The following SRRM5 variants were observed in gnomAD, a reference collection of about 807,000 sequenced individuals.
SRRM5 encodes serine/arginine repetitive matrix 5.
In SRRM5, 1 loss-of-function variant was observed where a neutral mutation model predicts 1.3. The observed-to-expected ratio is 0.76, with a 90% CI of 0.27 to 3.59. SRRM5 has a LOEUF of 3.59. Ranked by LOEUF, SRRM5 falls within the 30% of genes most tolerant of loss-of-function variation. SRRM5 has a pLI of 0.19. For synonymous variants in SRRM5, 275 were observed against 320.2 expected, an observed-to-expected ratio of 0.86 and a Z score of 1.51; for missense variants, 875 against 914.5, an observed-to-expected ratio of 0.96 and a Z score of 0.56.
chr19:43,612,685 T>C lies in SRRM5; in HGVS notation c.564T>C (p.Pro188=), dbSNP rs778081627. 17 of 1,551,450 alleles carry C rather than the reference T, an allele frequency of 1.1e-5. No individual in the cohort carries two copies. The Admixed American group carries it at 2.4e-4, about 21-fold the overall frequency. The change falls in exon 1 of 1, where the codon CCT becomes CCC. Residue 188 remains proline (P), a synonymous_variant. Coordinates refer to ENST00000417606, the MANE Select transcript of SRRM5 (RefSeq NM_001145641.2). The surrounding 1 kb of genome is among the most constrained non-coding windows in gnomAD (Gnocchi z 4.2). The part of the protein sequence containing the change: ...TSNRERSDSQ[P]RNLSKKSYRP... The stretch of plus-strand genomic sequence containing the variant: ...ACAGGGAAAGGAGTGACAGCCAGCC[T>C]AGAAATCTGAGCAAGAAGAGTTACC...
rs1399969565 is a variant in SRRM5, at chr19:43,612,808, G to A, written c.687G>A (p.Glu229=). The A allele has an allele frequency of 2.6e-6, 4 of 1,551,466 alleles. No individual in the cohort carries two copies. Among genetic ancestry groups the A allele is most frequent in the African/African-American group, 1.4e-5 (1 of 73,056 alleles). Residue 229 remains glutamate (E), a synonymous_variant, in exon 1 of 1, where the codon GAG becomes GAA. Transcript: ENST00000417606. This position sits in a 1 kb window ranked among gnomAD's most constrained non-coding sequence, Gnocchi z 4.2. ...CQTPTGIPSK[E]KSDNPSPSSS... ...CCCCGACTGGAATTCCCTCCAAGGA[G>A]AAGAGTGACAACCCATCTCCATCCT...
rs1476555171 is a variant in SRRM5 at position 43,613,523 on chromosome 19, A to T, written c.1402A>T (p.Asn468Tyr). The T allele has an allele frequency of 6.4e-7, 1 of 1,550,684 alleles. No homozygotes were observed. The highest frequency in any genetic ancestry group is 1.4e-5 in the African/African-American group (1 of 72,708). The change falls in exon 1 of 1, where the codon AAC (asparagine) becomes TAC (tyrosine). Residue 468 changes from asparagine to tyrosine, a missense_variant. Transcript: ENST00000417606. The stretch of plus-strand genomic sequence containing the variant: ...AGATCATAGCCGATCTAGAAGTCCC[A>T]ACAAGGCGAGAGATCGCAGCCGATC... ...ARDHSRSRSP[N>Y]KARDRSRSRS...
In SRRM5 at chr19:43,614,345, TGA is replaced by T; in HGVS notation, c.*78_*79del. The T allele has an allele frequency of 6.4e-7, 1 of 1,557,232 alleles. No homozygotes were observed. The highest frequency in any genetic ancestry group is 8.7e-7 in the Non-Finnish European group (1 of 1,153,904). ...CAGGAGACAGGAGCAGAGCAGCAGC[TGA>T]GCAGCGTCCCTCCCCGGCCAGCTCT... On this transcript the variant is annotated 3_prime_UTR_variant, in exon 1 of 1. Coordinates refer to ENST00000417606, the MANE Select transcript of SRRM5 (RefSeq NM_001145641.2).
In SRRM5 at chr19:43,613,039, T is replaced by G; in HGVS notation, c.918T>G (p.Ser306Arg). ...CGCACAGCAGAGTGAGAAGTCACAGTTGGAAGAGAAACCATAGCAGGGCAA... is the reference window on the plus strand; with the variant it reads ...CGCACAGCAGAGTGAGAAGTCACAGGTGGAAGAGAAACCATAGCAGGGCAA... ...KRTHSRVRSH[S>R]WKRNHSRARS... The change falls in exon 1 of 1, where the codon AGT becomes AGG. Residue 306 changes from serine (S) to arginine (R), a missense_variant. By Grantham distance (110) the Ser-to-Arg change is moderately radical. Coordinates refer to ENST00000417606, the MANE Select transcript of SRRM5 (RefSeq NM_001145641.2). 6.4e-7 allele frequency: 1 copy of G among 1,551,394 alleles called. No individual in the cohort carries two copies. Among genetic ancestry groups the G allele is most frequent in the Non-Finnish European group, 8.7e-7 (1 of 1,146,928 alleles).
chr19:43,613,792 C>G lies in SRRM5; in HGVS notation c.1671C>G (p.His557Gln). The G allele has an allele frequency of 1.9e-6, 3 of 1,549,868 alleles. No homozygotes were observed. Among genetic ancestry groups the G allele is most frequent in the Non-Finnish European group, 2.6e-6 (3 of 1,145,722 alleles). Residue 557 changes from histidine (H) to glutamine (Q), a missense_variant, in exon 1 of 1, where the codon CAC becomes CAG. Transcript: ENST00000417606. Reference sequence around the variant, plus strand: ...GAAGCCCCAGCGAGGAGAGAGAGCACAGACAATCCAGAAGCCCCAGCAAAG... The same window carrying G: ...GAAGCCCCAGCGAGGAGAGAGAGCAGAGACAATCCAGAAGCCCCAGCAAAG... ...QSRSPSEERE[H>Q]RQSRSPSKER... is the part of the protein sequence containing the mutation.
chr19:43,614,032 G>C lies in SRRM5; in HGVS notation c.1911G>C (p.Lys637Asn). 1 of 1,551,900 alleles carries C rather than the reference G, an allele frequency of 6.4e-7. No homozygotes were observed. The highest frequency in any genetic ancestry group is 8.7e-7 in the Non-Finnish European group (1 of 1,147,058). The change falls in exon 1 of 1, where the codon AAG becomes AAC. Residue 637 changes from lysine (K) to asparagine (N), a missense_variant. Lys to Asn is a moderately conservative substitution (Grantham distance 94). Coordinates refer to ENST00000417606, the MANE Select transcript of SRRM5 (RefSeq NM_001145641.2). ...GNHSQSRTSSKESDPSQSTVP... is the reference protein window; with the variant it reads ...GNHSQSRTSSNESDPSQSTVP... ...ATAGCCAATCTAGAACCTCTAGCAA[G>C]GAGAGCGACCCCAGTCAATCTACAG...
Position 43,614,136 on chromosome 19 carries a change from GCAGCCACTCCCCATCAACATTTCC to G in SRRM5, c.2019_2042del (p.His674_Ser681del), listed in dbSNP as rs776637557. On this transcript the variant is annotated inframe_deletion, in exon 1 of 1. Transcript: ENST00000417606. Reference sequence around the variant, plus strand: ...CAGAATAGAACCCCTAGCAAGACAAGCAGCCACTCCCCATCAACATTTCCCAGTGGGGGCCAAACCCTAAGCCAG... The same window carrying G: ...CAGAATAGAACCCCTAGCAAGACAAGCAGTGGGGGCCAAACCCTAAGCCAG... 4 of 1,611,476 alleles carry G rather than the reference GCAGCCACTCCCCATCAACATTTCC, an allele frequency of 2.5e-6. No homozygotes were observed. Among genetic ancestry groups the G allele is most frequent in the Non-Finnish European group, 3.4e-6 (4 of 1,178,702 alleles).
At position 43,613,108 on chromosome 19, in the gene SRRM5, C is replaced by T. The variant is rs1190213524; in HGVS notation, c.987C>T (p.His329=). Residue 329 remains histidine (H), a synonymous_variant, in exon 1 of 1, where the codon CAC becomes CAT. Coordinates refer to ENST00000417606, the MANE Select transcript of SRRM5 (RefSeq NM_001145641.2). ...RKGILSQMGR[H]SQSRSHSKGK... ...GAATTCTGAGCCAGATGGGAAGACACAGCCAGTCTAGAAGCCACAGCAAGG... is the reference window on the plus strand; with the variant it reads ...GAATTCTGAGCCAGATGGGAAGACATAGCCAGTCTAGAAGCCACAGCAAGG... The T allele has an allele frequency of 1.3e-6, 2 of 1,551,630 alleles. No individual in the cohort carries two copies. The highest frequency in any genetic ancestry group is 2.7e-5 in the African/African-American group (2 of 73,142).
Position 43,613,497 on chromosome 19 carries a change from G to A in SRRM5, c.1376G>A (p.Arg459Lys), listed in dbSNP as rs1472487775. ...RSRSRSPNKA[R>K]DHSRSRSPNK... Reference sequence around the variant, plus strand: ...CGATCTAGAAGTCCCAACAAGGCAAGAGATCATAGCCGATCTAGAAGTCCC... The same window carrying A: ...CGATCTAGAAGTCCCAACAAGGCAAAAGATCATAGCCGATCTAGAAGTCCC... The change falls in exon 1 of 1, where the codon AGA becomes AAA. Residue 459 changes from arginine (R) to lysine (K), a missense_variant. Physicochemically the swap from Arg to Lys is conservative, Grantham distance 26. Transcript: ENST00000417606. The A allele has an allele frequency of 1.3e-6, 2 of 1,546,134 alleles. No homozygotes were observed.
rs1247762355 is a variant in SRRM5, at chr19:43,614,312, G to A, written c.*43G>A. ...CTCACGGGTCTCTGTCATGACCGGG[G>A]GAGGGGACAGGAGACAGGAGCAGAG... On this transcript the variant is annotated 3_prime_UTR_variant, in exon 1 of 1. Coordinates refer to ENST00000417606, the MANE Select transcript of SRRM5 (RefSeq NM_001145641.2). 1.3e-6 allele frequency: 2 copies of A among 1,594,288 alleles called. No individual in the cohort carries two copies. Among genetic ancestry groups the A allele is most frequent in the Non-Finnish European group, 1.7e-6 (2 of 1,170,358 alleles).
chr19:43,612,481 G>T lies in SRRM5; in HGVS notation c.360G>T (p.Arg120=), dbSNP rs1973309871. Residue 120 remains arginine (R), a synonymous_variant, in exon 1 of 1, where the codon CGG becomes CGT. Coordinates refer to ENST00000417606, the MANE Select transcript of SRRM5 (RefSeq NM_001145641.2). The surrounding 1 kb of genome is among the most constrained non-coding windows in gnomAD (Gnocchi z 4.2). ...RCHQRRGTHS[R]GRTPGRRGSR... ...ACCAGCGGAGGGGCACACACAGCCG[G>T]GGTAGGACACCTGGCAGAAGGGGAA... 1 of 1,551,106 alleles carries T rather than the reference G, an allele frequency of 6.4e-7. No homozygotes were observed. Among genetic ancestry groups the T allele is most frequent in the Non-Finnish European group, 8.7e-7 (1 of 1,146,858 alleles).
rs768632998 is a variant in SRRM5, at chr19:43,612,108, C to G, written c.-14C>G. 3 of 1,546,836 alleles carry G rather than the reference C, an allele frequency of 1.9e-6. No homozygotes were observed. The South Asian group carries it at 3.6e-5, about 18-fold the overall frequency. ...ACTGTGACTTCCAGGACCACAAGCC[C>G]TTTTGCGCCCACCATGTCTTCACCT... On this transcript the variant is annotated 5_prime_UTR_variant, in exon 1 of 1. Coordinates refer to ENST00000417606, the MANE Select transcript of SRRM5 (RefSeq NM_001145641.2). The surrounding 1 kb of genome is among the most constrained non-coding windows in gnomAD (Gnocchi z 4.2).
rs1973303797 is a variant in SRRM5 at position 43,612,121 on chromosome 19, C to T, written c.-1C>T. The T allele has an allele frequency of 6.4e-7, 1 of 1,550,678 alleles. No homozygotes were observed. Among genetic ancestry groups the T allele is most frequent in the Non-Finnish European group, 8.7e-7 (1 of 1,146,304 alleles). On this transcript the variant is annotated 5_prime_UTR_variant, in exon 1 of 1. Coordinates refer to ENST00000417606, the MANE Select transcript of SRRM5 (RefSeq NM_001145641.2). The surrounding 1 kb of genome is among the most constrained non-coding windows in gnomAD (Gnocchi z 4.2). ...GGACCACAAGCCCTTTTGCGCCCAC[C>T]ATGTCTTCACCTAAGAGATCTTCAA...
Position 43,612,286 on chromosome 19 carries a change from A to G in SRRM5, c.165A>G (p.Ser55=). ...VPTKPATSRN[S]VMSPSSSKST... Reference sequence around the variant, plus strand: ...CCAAACCAGCGACATCCCGTAACTCAGTCATGAGCCCAAGCAGTTCCAAGT... The same window carrying G: ...CCAAACCAGCGACATCCCGTAACTCGGTCATGAGCCCAAGCAGTTCCAAGT... Residue 55 remains serine (S), a synonymous_variant, in exon 1 of 1, where the codon TCA becomes TCG. Coordinates refer to ENST00000417606, the MANE Select transcript of SRRM5 (RefSeq NM_001145641.2). This position sits in a 1 kb window ranked among gnomAD's most constrained non-coding sequence, Gnocchi z 4.2. 1.3e-6 allele frequency: 2 copies of G among 1,551,712 alleles called. No individual in the cohort carries two copies. Among genetic ancestry groups the G allele is most frequent in the Non-Finnish European group, 1.7e-6 (2 of 1,146,982 alleles).
In SRRM5 at chr19:43,614,335, G is replaced by A. The variant is rs770821039; in HGVS notation, c.*66G>A. 3.2e-6 allele frequency: 5 copies of A among 1,571,500 alleles called. No individual in the cohort carries two copies. ...GGGGAGGGGACAGGAGACAGGAGCAGAGCAGCAGCTGAGCAGCGTCCCTCC... is the reference window on the plus strand; with the variant it reads ...GGGGAGGGGACAGGAGACAGGAGCAAAGCAGCAGCTGAGCAGCGTCCCTCC... On this transcript the variant is annotated 3_prime_UTR_variant, in exon 1 of 1. Coordinates refer to ENST00000417606, the MANE Select transcript of SRRM5 (RefSeq NM_001145641.2).
chr19:43,614,173 A>C lies in SRRM5; in HGVS notation c.2052A>C (p.Gln684His), dbSNP rs759107698. The change falls in exon 1 of 1, where the codon CAA (glutamine) becomes CAC (histidine). Residue 684 changes from glutamine (Q) to histidine (H), a missense_variant. Transcript: ENST00000417606. ...HSPSTFPSGG[Q>H]TLSQDDSQAD... ...CATCAACATTTCCCAGTGGGGGCCA[A>C]ACCCTAAGCCAGGATGACAGTCAAG... is the stretch of plus-strand genomic sequence containing the variant. The C allele has an allele frequency of 1.2e-6, 2 of 1,614,184 alleles. No individual in the cohort carries two copies. The highest frequency in any genetic ancestry group is 2.2e-5 in the East Asian group (1 of 44,884).
In SRRM5 at chr19:43,612,682, GC is replaced by G; in HGVS notation, c.563del (p.Pro188LeufsTer4). 6.4e-7 allele frequency: 1 copy of G among 1,551,516 alleles called. No individual in the cohort carries two copies. Among genetic ancestry groups the G allele is most frequent in the Non-Finnish European group, 8.7e-7 (1 of 1,146,982 alleles). On this transcript the variant is annotated frameshift_variant, in exon 3 of 3. Transcript: ENST00000607544. LOFTEE classifies it low-confidence loss of function (END_TRUNC). The surrounding 1 kb of genome is among the most constrained non-coding windows in gnomAD (Gnocchi z 4.2). ...GCAACAGGGAAAGGAGTGACAGCCA[GC>G]CTAGAAATCTGAGCAAGAAGAGTTA...
Position 43,613,574 on chromosome 19 carries a change from C to T in SRRM5, c.1453C>T (p.His485Tyr), listed in dbSNP as rs761924720. ...RSRSPSKERD[H>Y]SQLGSPSKER... ...TAGAAGCCCCAGCAAGGAAAGAGAT[C>T]ACAGCCAACTTGGAAGCCCCAGCAA... is the stretch of plus-strand genomic sequence containing the variant. The change falls in exon 1 of 1, where the codon CAC becomes TAC. Residue 485 changes from histidine to tyrosine, a missense_variant. Physicochemically the swap from His to Tyr is moderately conservative, Grantham distance 83 (BLOSUM62 2). Transcript: ENST00000417606. The T allele has an allele frequency of 1.2e-5, 18 of 1,551,556 alleles. No individual in the cohort carries two copies. The highest frequency in any genetic ancestry group is 4.9e-5 in the East Asian group (2 of 40,884).
At position 43,614,359 on chromosome 19, in the gene SRRM5, C is replaced by T; in HGVS notation, c.*90C>T. ...AGAGCAGCAGCTGAGCAGCGTCCCT[C>T]CCCGGCCAGCTCTCCACAGCCACAC... On this transcript the variant is annotated 3_prime_UTR_variant, in exon 1 of 1. Coordinates refer to ENST00000417606, the MANE Select transcript of SRRM5 (RefSeq NM_001145641.2). 6.5e-7 allele frequency: 1 copy of T among 1,540,184 alleles called. No individual in the cohort carries two copies.
Sources: gnomAD v4.1 joint callset for allele counts on GRCh38, gnomAD v4.1.1 for gene constraint, Gnocchi (gnomAD v3.1) non-coding constraint, MANE v1.5 for transcripts, NCBI Gene and HGNC (gene_info 2026-07-23, HGNC 2026-07-21) for gene names.